The following AIG1 variants were observed in gnomAD, a reference collection of about 807,000 sequenced individuals.
AIG1 encodes androgen-induced gene 1 protein.
A neutral mutation model predicts 31.4 loss-of-function variants in AIG1; 23 were observed. The observed-to-expected ratio is 0.73, with a 90% confidence interval of 0.53 to 1.04. AIG1 has a LOEUF of 1.04. AIG1 is among the 50% of genes least tolerant of loss of function. AIG1 has a pLI of 0.00. For missense variants in AIG1, 274 were observed against 295.0 expected (o/e 0.93, Z 0.52); for synonymous variants, 100 against 110.5 (o/e 0.90, Z 0.60).
At chr6:143,244,034 A>G (rs1794444054) in intron 3 of AIG1, among the ~76,000 whole-genome samples, 1 of 152,232 alleles carries the variant, frequency 6.6e-6, no homozygotes, top group African/African-American at 2.4e-5. Context: ...GATCAGCACT[A>G]GTAACGCAAA....
chr6:143,073,557 T>C (rs1229525727), intron 1 of AIG1, among the ~76,000 whole-genome samples: 1 of 152,238 alleles, frequency 6.6e-6, no homozygotes, highest in Non-Finnish European at 1.5e-5. Flanking sequence ...TTTGACGTTT[T>C]GATAATAGCC....
At position 143,060,913 on chromosome 6, in the gene AIG1, G is replaced by T. The variant is rs747384822; in HGVS notation, c.-13G>T. On this transcript the variant is annotated 5_prime_UTR_variant, in exon 1 of 6. Coordinates refer to ENST00000357847, the MANE Select transcript of AIG1 (RefSeq NM_016108.4). ...CCTCCTTGCCGCCCAGCCGGTCCAG[G>T]CCTCTGGCGAACATGGCGCTTGTCC... 1.3e-6 allele frequency: 2 copies of T among 1,597,730 alleles called. No individual in the cohort carries two copies. Among genetic ancestry groups the T allele is most frequent in the Non-Finnish European group, 8.5e-7 (1 of 1,173,834 alleles).
intron 5 of AIG1, chr6:143,339,405 G>A (rs1259283641): frequency 5.2e-6 from 2 of 386,510 alleles, no homozygotes; most frequent in Non-Finnish European, 9.4e-6. Context: ...CAGAGATGCT[G>A]TGTCCTGATT....
At chr6:143,131,608 C>G (rs1562407852) in intron 1 of AIG1, among the ~76,000 whole-genome samples, 1 of 152,172 alleles carries the variant, frequency 6.6e-6, no homozygotes, top group South Asian at 2.1e-4. Flanking sequence ...GACTGGAGAA[C>G]AGACACAAGG....
chr6:143,176,850 A>G (rs1346136059), intron 3 of AIG1, among the ~76,000 whole-genome samples: 2 of 152,254 alleles, frequency 1.3e-5, no homozygotes, highest in East Asian at 1.9e-4. Flanking sequence ...TGCAGCGGCA[A>G]TCCGCCTCCT....
intron 3 of AIG1, among the ~76,000 whole-genome samples, chr6:143,181,480 A>G (rs1788712435): frequency 6.6e-6 from 1 of 152,212 alleles, no homozygotes; most frequent in Non-Finnish European, 1.5e-5. Flanking sequence ...ATCTGTGATC[A>G]TTAGTTCTAA....
chr6:143,335,296 G>A (rs1373898451), intron 5 of AIG1: 3 of 394,528 alleles, frequency 7.6e-6, no homozygotes, highest in Non-Finnish European at 1.3e-5. Flanking sequence ...CACTTTGGGA[G>A]ACTGAGGCAG....
Position 143,230,588 on chromosome 6 carries a change from C to T in AIG1, c.400-53522C>T, listed in dbSNP as rs529318078. On this transcript the variant is annotated intron_variant, in intron 3 of 5. Transcript: ENST00000357847. ...ATGATTAATATTAGTATAATATTAA[C>T]TGTTATAAATTAAGAATATCCTATG... is the stretch of plus-strand genomic sequence containing the variant. Among the ~76,000 whole-genome samples the T allele has an allele frequency of 6.0e-5, 9 of 149,384 alleles. No individual in the cohort carries two copies. In the South Asian group the frequency reaches 1.9e-3, roughly 31 times the overall value.
chr6:143,238,793 T>C (rs2128637228), intron 3 of AIG1, among the ~76,000 whole-genome samples: 1 of 152,306 alleles, frequency 6.6e-6, no homozygotes, highest in East Asian at 1.9e-4. Flanking sequence ...CTTTATTATC[T>C]AAAAAGATTT....
intron 3 of AIG1, among the ~76,000 whole-genome samples, chr6:143,167,438 T>C (rs1322794181): frequency 6.6e-6 from 1 of 152,220 alleles, no homozygotes; most frequent in Non-Finnish European, 1.5e-5. Context: ...CGAGAGACTT[T>C]GCTGACAACA....
At chr6:143,261,259 C>T (rs1324918915) in intron 3 of AIG1, among the ~76,000 whole-genome samples, 3 of 152,178 alleles carry the variant, frequency 2.0e-5, no homozygotes, top group Non-Finnish European at 4.4e-5. Context: ...AGCCTCCCAA[C>T]TAGCTGGGAT....
intron 2 of AIG1, among the ~76,000 whole-genome samples, chr6:143,157,017 C>G (rs1302192331): frequency 2.0e-5 from 3 of 152,174 alleles, no homozygotes; most frequent in Non-Finnish European, 4.4e-5. Context: ...GTATCCATTA[C>G]AGTTATTTGG....
intron 1 of AIG1, among the ~76,000 whole-genome samples, chr6:143,131,883 A>G (rs1783274440): frequency 6.6e-6 from 1 of 152,208 alleles, no homozygotes; most frequent in Non-Finnish European, 1.5e-5. Context: ...GTTTGTGGTA[A>G]CTTGTTATGC....
intron 4 of AIG1, among the ~76,000 whole-genome samples, chr6:143,310,117 G>C (rs1775144134): frequency 6.6e-6 from 1 of 151,806 alleles, no homozygotes; most frequent in Non-Finnish European, 1.5e-5. Context: ...AGATATAGTT[G>C]ACCTGAACAA....
intron 3 of AIG1, among the ~76,000 whole-genome samples, chr6:143,169,065 T>C (rs977648905): frequency 2.0e-5 from 3 of 151,678 alleles, no homozygotes; most frequent in Non-Finnish European, 2.9e-5. Flanking sequence ...AATATATATG[T>C]TTTACTACTT....
chr6:143,189,516 G>A, intron 3 of AIG1: 1 of 985,394 alleles, frequency 1.0e-6, no homozygotes, highest in Non-Finnish European at 1.2e-6. Flanking sequence ...AGTGTCATAT[G>A]CTAAGTTATT....
At position 143,299,238 on chromosome 6, in the gene AIG1, A is replaced by G. The variant is rs910231817; in HGVS notation, c.515+15013A>G. On this transcript the variant is annotated intron_variant, in intron 4 of 5. Transcript: ENST00000357847. This position sits in a 1 kb window ranked among gnomAD's most constrained non-coding sequence, Gnocchi z 4.1. Reference sequence around the variant, plus strand: ...CAGAGCAGTACCACTTCTCCTTAGCATCATGTACAATTTCTTCTCTGCTGT... The same window carrying G: ...CAGAGCAGTACCACTTCTCCTTAGCGTCATGTACAATTTCTTCTCTGCTGT... The G allele has an allele frequency of 1.4e-4, 21 of 152,194 alleles. No individual in the cohort carries two copies. The highest frequency in any genetic ancestry group is 4.8e-4 in the African/African-American group (20 of 41,430). 9.4% of individuals were successfully genotyped at this position (152,194 alleles called of 1,614,324 possible).
chr6:143,284,346 A>G lies in AIG1; in HGVS notation c.515+121A>G, dbSNP rs573915727. 3.0e-5 allele frequency: 20 copies of G among 675,526 alleles called. No individual in the cohort carries two copies. In the African/African-American group the frequency reaches 3.1e-4, roughly 10 times the overall value. 41.8% of individuals were successfully genotyped at this position (675,526 alleles called of 1,614,324 possible). A position where few individuals can be genotyped will look rare whatever the true frequency, so the allele number is the denominator to read the frequency against. ...TCACGCTGTGTGCCGCATTTGGTCCAAGACCTGGGCTTTGTCTCGTTTCCC... is the reference window on the plus strand; with the variant it reads ...TCACGCTGTGTGCCGCATTTGGTCCGAGACCTGGGCTTTGTCTCGTTTCCC... On this transcript the variant is annotated intron_variant, in intron 4 of 5. Transcript: ENST00000357847. This position sits in a 1 kb window ranked among gnomAD's most constrained non-coding sequence, Gnocchi z 4.4.
At chr6:143,166,219 T>A (rs926267240) in intron 3 of AIG1, among the ~76,000 whole-genome samples, 1 of 152,166 alleles carries the variant, frequency 6.6e-6, no homozygotes, top group African/African-American at 2.4e-5. Context: ...GATTTTTTTT[T>A]AGTTCAATTA....
Sources: allele counts gnomAD v4.1 joint callset (sites outside exome capture counted in the v4.1 genomes callset), GRCh38; gene constraint gnomAD v4.1.1; non-coding constraint Gnocchi (gnomAD v3.1); transcripts MANE v1.5; gene names NCBI Gene and HGNC (gene_info 2026-07-23, HGNC 2026-07-21).